The following SH3RF1 variants were observed in gnomAD, a reference collection of about 807,000 sequenced individuals.
The protein encoded by SH3RF1 is E3 ubiquitin-protein ligase SH3RF1.
Under a neutral mutation model 74.0 loss-of-function variants are expected in SH3RF1, and 32 were observed. The observed-to-expected ratio is 0.43, with a 90% CI of 0.33 to 0.58. SH3RF1 has a LOEUF of 0.58. SH3RF1 is among the 20% of genes least tolerant of loss of function. The pLI is 0.05. For missense variants in SH3RF1, 954 were observed against 1,130.9 expected (o/e 0.84, Z 2.24); for synonymous variants, 396 against 439.6 (o/e 0.90, Z 1.24).
intron 2 of SH3RF1, among the ~76,000 whole-genome samples, chr4:169,235,023 G>GT (rs908219710): frequency 1.4e-4 from 22 of 152,036 alleles, no homozygotes; most frequent in Non-Finnish European, 2.6e-4. Flanking sequence ...GTTTTAGAGG[G>GT]TTTTTTTAAA....
At chr4:169,175,041 T>C (rs2660428) in intron 2 of SH3RF1, among the ~76,000 whole-genome samples, 90,947 of 152,012 alleles carry the variant, frequency 0.6, 28,030 homozygotes, top group East Asian at 0.78. Context: ...TCCCCAATGT[T>C]GGTAAATAGC....
intron 2 of SH3RF1, among the ~76,000 whole-genome samples, chr4:169,225,241 T>A (rs1730638693): frequency 6.6e-6 from 1 of 152,084 alleles, no homozygotes; most frequent in African/African-American, 2.4e-5. Flanking sequence ...AGGAAGGTAG[T>A]ATGACCTGCT....
chr4:169,113,879 G>A (rs1733286117), intron 10 of SH3RF1, among the ~76,000 whole-genome samples: 1 of 152,146 alleles, frequency 6.6e-6, no homozygotes, highest in Non-Finnish European at 1.5e-5. Context: ...AAGACACAAG[G>A]GGACACACCT....
chr4:169,218,741 G>A (rs1037662795), intron 2 of SH3RF1, among the ~76,000 whole-genome samples: 3 of 151,962 alleles, frequency 2.0e-5, no homozygotes, highest in African/African-American at 7.2e-5. Context: ...AGCTAGTGCT[G>A]AAATACATAT....
In SH3RF1 at chr4:169,094,538, A is replaced by C. The variant is rs1051475877; in HGVS notation, c.*1981T>G. The C allele has an allele frequency of 2.0e-5, 3 of 152,188 alleles. No homozygotes were observed. The highest frequency in any genetic ancestry group is 7.2e-5 in the African/African-American group (3 of 41,454). 9.4% of individuals were successfully genotyped at this position (152,188 alleles called of 1,614,324 possible). Reference sequence around the variant, plus strand: ...ATAGCTTAAAATATGGAGAAAAGACAGGTAAAAAAATTATCTTAACCTGTA... The same window carrying C: ...ATAGCTTAAAATATGGAGAAAAGACCGGTAAAAAAATTATCTTAACCTGTA... On this transcript the variant is annotated 3_prime_UTR_variant, in exon 12 of 12. Transcript: ENST00000284637.
At chr4:169,267,638 T>C (rs1335355483) in intron 2 of SH3RF1, among the ~76,000 whole-genome samples, 1 of 152,212 alleles carries the variant, frequency 6.6e-6, no homozygotes, top group African/African-American at 2.4e-5. Context: ...GATCAGGTTT[T>C]CCAGTGATTA....
chr4:169,197,131 G>A lies in SH3RF1; in HGVS notation c.394-40452C>T, dbSNP rs552733129. Among the ~76,000 whole-genome samples, 38 of 151,802 alleles carry A rather than the reference G, an allele frequency of 2.5e-4. No homozygotes were observed. In the South Asian group the frequency reaches 6.9e-3, roughly 28 times the overall value. The stretch of plus-strand genomic sequence containing the variant: ...AGCAATTATCCTGCCTCAGCCTCCC[G>A]AGTAGCTGGGATTACAGGTGCCTGC... On this transcript the variant is annotated intron_variant, in intron 2 of 11. Coordinates refer to ENST00000284637, the MANE Select transcript of SH3RF1 (RefSeq NM_020870.4).
In SH3RF1 at chr4:169,120,879, G is replaced by T; in HGVS notation, c.1457C>A (p.Thr486Lys). The T allele has an allele frequency of 6.2e-7, 1 of 1,614,198 alleles. No homozygotes were observed. Among genetic ancestry groups the T allele is most frequent in the Non-Finnish European group, 8.5e-7 (1 of 1,180,038 alleles). ...ERCQDGWFKG[T>K]SMHTSKIGVF... The stretch of plus-strand genomic sequence containing the variant: ...CCCTATCTTGCTGGTATGCATGGAT[G>T]TCCCTTTGAACCAGCCATCCTGGCA... Residue 486 changes from threonine to lysine, a missense_variant, in exon 8 of 12, where the codon ACA becomes AAA. Thr to Lys is a moderately conservative substitution (Grantham distance 78, BLOSUM62 -1). This residue lies in a region of SH3RF1 where 854 missense variants were observed against 962.5 expected (regional missense o/e 0.89). Coordinates refer to ENST00000284637, the MANE Select transcript of SH3RF1 (RefSeq NM_020870.4).
chr4:169,257,921 G>T (rs1394635287), intron 2 of SH3RF1, among the ~76,000 whole-genome samples: 2 of 152,096 alleles, frequency 1.3e-5, no homozygotes, highest in African/African-American at 4.8e-5. Context: ...GCACAGTGTG[G>T]GCTTCTAAGG....
intron 10 of SH3RF1, among the ~76,000 whole-genome samples, chr4:169,112,294 A>G (rs1440172428): frequency 6.6e-6 from 1 of 152,238 alleles, no homozygotes. Context: ...CAGAAAGTTG[A>G]GCAAACTGCA....
At chr4:169,109,891 C>A (rs1733210890) in intron 10 of SH3RF1, among the ~76,000 whole-genome samples, 1 of 151,492 alleles carries the variant, frequency 6.6e-6, no homozygotes, top group Admixed American at 6.6e-5. Flanking sequence ...TGCCTGTGGT[C>A]CCATCTACTC....
intron 2 of SH3RF1, among the ~76,000 whole-genome samples, chr4:169,222,060 C>T (rs1331703464): frequency 1.3e-5 from 2 of 152,162 alleles, no homozygotes; most frequent in African/African-American, 4.8e-5. Context: ...TAATAATATA[C>T]ATTCAAACCA....
chr4:169,175,728 A>C (rs1167319098), intron 2 of SH3RF1, among the ~76,000 whole-genome samples: 3 of 152,142 alleles, frequency 2.0e-5, no homozygotes, highest in Admixed American at 2.0e-4. Flanking sequence ...GCTCTAAAAA[A>C]ACTGTCTTGT....
At chr4:169,146,855 C>T (rs1733903367) in intron 4 of SH3RF1, among the ~76,000 whole-genome samples, 1 of 152,090 alleles carries the variant, frequency 6.6e-6, no homozygotes, top group South Asian at 2.1e-4. Context: ...GAATAACTGA[C>T]ATGCAAAACA....
At chr4:169,138,318 T>C (rs10028999) in intron 4 of SH3RF1, among the ~76,000 whole-genome samples, 145,064 of 152,248 alleles carry the variant, frequency 0.95, 69,521 homozygotes, top group East Asian at 1. Flanking sequence ...CCTGCACAGG[T>C]TGGGTGTAAG....
intron 2 of SH3RF1, among the ~76,000 whole-genome samples, chr4:169,259,482 C>T (rs1298495976): frequency 1.3e-5 from 2 of 152,174 alleles, no homozygotes; most frequent in South Asian, 2.1e-4. Context: ...CATGAAGCAA[C>T]TGCTACCATC....
At chr4:169,262,583 C>A (rs1731296306) in intron 2 of SH3RF1, among the ~76,000 whole-genome samples, 1 of 152,124 alleles carries the variant, frequency 6.6e-6, no homozygotes, top group Non-Finnish European at 1.5e-5. Flanking sequence ...GGGAGAATCG[C>A]TTGAACCCAG....
intron 2 of SH3RF1, among the ~76,000 whole-genome samples, chr4:169,204,859 T>C (rs918367709): frequency 6.6e-6 from 1 of 152,148 alleles, no homozygotes; most frequent in Non-Finnish European, 1.5e-5. Context: ...CACCTTCTCC[T>C]TTTGAAGAGT....
At chr4:169,180,056 C>T (rs1219280973) in intron 2 of SH3RF1, among the ~76,000 whole-genome samples, 1 of 151,844 alleles carries the variant, frequency 6.6e-6, no homozygotes, top group East Asian at 1.9e-4. Context: ...TGCATGGGGA[C>T]GTAAGCAGAA....
Sources: gnomAD v4.1 joint callset for allele counts (sites outside exome capture counted in the v4.1 genomes callset) on GRCh38, gnomAD v4.1.1 for gene constraint, gnomAD v4.1.1 regional missense constraint, MANE v1.5 for transcripts, NCBI Gene and HGNC (gene_info 2026-07-23, HGNC 2026-07-21) for gene names.